PDCD5: variants seen among roughly 807,000 people sequenced by gnomAD.
PDCD5 encodes the protein programmed cell death protein 5.
Under a neutral mutation model 21.9 loss-of-function variants are expected in PDCD5, and 23 were observed. The observed-to-expected ratio is 1.05, with a 90% CI of 0.76 to 1.49. The LOEUF is 1.49. Among genes scored for constraint, PDCD5 ranks in the 40% most tolerant of loss-of-function variants. The probability of loss-of-function intolerance (pLI) is 0.00; values close to 1 mark genes in which losing one functional copy is unlikely to be tolerated. For missense variants in PDCD5, 152 were observed against 147.7 expected (o/e 1.03, Z -0.15); for synonymous variants, 45 against 49.4 (o/e 0.91, Z 0.37).
chr19:32,586,838 A>G lies in PDCD5; in HGVS notation c.259-20A>G. 6.3e-7 allele frequency: 1 copy of G among 1,591,890 alleles called. No individual in the cohort carries two copies. The highest frequency in any genetic ancestry group is 8.5e-7 in the Non-Finnish European group (1 of 1,174,052). ...TGTTTAAAAAAGTACTGTTTTTCTT[A>G]TCTTTTCTGGTTCTCCTAGGTATCA... On this transcript the variant is annotated intron_variant, in intron 4 of 5. Transcript: ENST00000590247.
intron 2 of PDCD5, among the ~76,000 whole-genome samples, chr19:32,583,220 TTTC>T (rs1359572331): frequency 2.0e-5 from 3 of 152,158 alleles, no homozygotes; most frequent in African/African-American, 4.8e-5. Flanking sequence ...ACTGAACTTT[TTTC>T]TTCTTTACGT....
rs543188517 is a variant in PDCD5, at chr19:32,583,992, C to T, written c.105-958C>T. Among the ~76,000 whole-genome samples, 8 of 152,024 alleles carry T rather than the reference C, an allele frequency of 5.3e-5. 1 individual carries two copies. In the South Asian group the frequency reaches 6.2e-4, roughly 12 times the overall value. On this transcript the variant is annotated intron_variant, in intron 2 of 5. Transcript: ENST00000590247. ...GATTACAGGCACCCGCCACCATGCC[C>T]GGCTAATTTTTGTATTTTTAGTAGA...
intron 2 of PDCD5, among the ~76,000 whole-genome samples, chr19:32,583,612 A>G (rs1361466359): frequency 1.3e-5 from 2 of 152,082 alleles, no homozygotes; most frequent in Non-Finnish European, 2.9e-5. Context: ...TTTTAGAGAT[A>G]CGTAAAACTA....
intron 2 of PDCD5, among the ~76,000 whole-genome samples, chr19:32,582,859 A>G (rs999689773): frequency 2.0e-5 from 3 of 152,004 alleles, no homozygotes; most frequent in Non-Finnish European, 2.9e-5. Flanking sequence ...TCTCCAGCAA[A>G]TATTTATAGA....
intron 1 of PDCD5, chr19:32,581,699 A>T (rs1476549921): frequency 9.6e-6 from 2 of 207,640 alleles, no homozygotes; most frequent in African/African-American, 4.6e-5. Context: ...TTTAGCCGAC[A>T]GGTATTGAGG....
intron 3 of PDCD5, 86 bp downstream of exon 3, chr19:32,585,097 G>A: frequency 1.0e-6 from 1 of 964,634 alleles, no homozygotes; most frequent in Non-Finnish European, 1.7e-6. Context: ...ATCACTAGAT[G>A]AAATATTTGC....
In PDCD5 at chr19:32,585,003, G is replaced by A. The variant is rs201933073; in HGVS notation, c.158G>A (p.Arg53Gln). 107 of 1,613,456 alleles carry A rather than the reference G, an allele frequency of 6.6e-5. No homozygotes were observed. The highest frequency in any genetic ancestry group is 1.5e-4 in the Admixed American group (9 of 60,010). ...ILAQVLDQSARARLSNLALVK... is the reference protein window; with the variant it reads ...ILAQVLDQSAQARLSNLALVK... ...GCCCAAGTTCTGGATCAGTCGGCCC[G>A]GGCCAGGTGTAAGCATCTTTGATTT... is the stretch of plus-strand genomic sequence containing the variant. Residue 53 changes from arginine to glutamine, a missense_variant, in exon 3 of 6, where the codon CGG (arginine) becomes CAG (glutamine). By Grantham distance (43) the Arg-to-Gln change is conservative. Coordinates refer to ENST00000590247, the MANE Select transcript of PDCD5 (RefSeq NM_004708.4).
chr19:32,581,440 C>G, intron 1 of PDCD5, 113 bp downstream of exon 1: 2 of 561,114 alleles, frequency 3.6e-6, no homozygotes, highest in East Asian at 3.7e-5. Flanking sequence ...GGCCCCGGTC[C>G]CCTGCGCTGC....
rs191911849 is a variant in PDCD5 at position 32,586,527 on chromosome 19, A to G, written c.259-331A>G. On this transcript the variant is annotated intron_variant, in intron 4 of 5. Transcript: ENST00000590247. ...CTTCTCGGGCAGAAGTGGTGTGTCT[A>G]TTCCTGACACCAAACACCGTGGTAT... 440 of 1,119,306 alleles carry G rather than the reference A, an allele frequency of 3.9e-4. 1 individual carries two copies. The African/African-American group carries it at 5.4e-3, about 14-fold the overall frequency. 69.3% of individuals were successfully genotyped at this position (1,119,306 alleles called of 1,614,324 possible).
At chr19:32,585,621 C>A (rs192754119) in intron 3 of PDCD5, among the ~76,000 whole-genome samples, 195 bp from the exon 4 acceptor site, 236 of 152,258 alleles carry the variant, frequency 1.5e-3, no homozygotes, top group African/African-American at 5.1e-3. Flanking sequence ...GCCACTACCC[C>A]CATGTGCCCA....
chr19:32,585,987 A>C (rs1427268992), intron 4 of PDCD5, 80 bp downstream of exon 4: 3 of 1,612,608 alleles, frequency 1.9e-6, no homozygotes, highest in Non-Finnish European at 2.5e-6. Flanking sequence ...CTGCATCTTC[A>C]CTGGATTACA....
rs755877546 is a variant in PDCD5 at position 32,581,215 on chromosome 19, A to AGGGGCTGCGAGAGTGACC, written c.-45_-28dup. On this transcript the variant is annotated 5_prime_UTR_variant, in exon 1 of 6. Coordinates refer to ENST00000590247, the MANE Select transcript of PDCD5 (RefSeq NM_004708.4). ...AGTGGTCAAGGCCGCGCTCGCGCCGAGGGGCTGCGAGAGTGACCGCGGCTG... is the reference window on the plus strand; with the variant it reads ...AGTGGTCAAGGCCGCGCTCGCGCCGAGGGGCTGCGAGAGTGACCGGGGCTGCGAGAGTGACCGCGGCTG... 3 of 1,388,200 alleles carry AGGGGCTGCGAGAGTGACC rather than the reference A, an allele frequency of 2.2e-6. No homozygotes were observed. Among genetic ancestry groups the AGGGGCTGCGAGAGTGACC allele is most frequent in the East Asian group, 3.0e-5 (1 of 33,376 alleles). The allele number at this position is 1,388,200 out of a possible 1,614,324, so 86.0% of individuals were successfully genotyped here.
rs1296321100 is a variant in PDCD5, at chr19:32,582,183, T to G, written c.67-12T>G. ...GAAATTTCTCTATTAAATTTAAGTT[T>G]TTTTTTTCCAGGATCCTGGTGATGC... On this transcript the variant is annotated splice_polypyrimidine_tract_variant and intron_variant, in intron 1 of 5. Transcript: ENST00000590247. 3 of 1,609,708 alleles carry G rather than the reference T, an allele frequency of 1.9e-6. No homozygotes were observed. The Admixed American group carries it at 5.0e-5, about 27-fold the overall frequency.
Position 32,587,352 on chromosome 19 carries a change from TTAAGA to T in PDCD5, c.*54_*58del, listed in dbSNP as rs752558939. 8.9e-6 allele frequency: 11 copies of T among 1,230,852 alleles called. No individual in the cohort carries two copies. Among genetic ancestry groups the T allele is most frequent in the Non-Finnish European group, 1.2e-5 (10 of 847,436 alleles). 76.2% of individuals were successfully genotyped at this position (1,230,852 alleles called of 1,614,324 possible). A position where few individuals can be genotyped will look rare whatever the true frequency, so the allele number is the denominator to read the frequency against. The stretch of plus-strand genomic sequence containing the variant: ...TAACGGAACAAGTCTAGGACAGAAG[TTAAGA>T]TCTGATTATTTACTTTGTTTATTGT... On this transcript the variant is annotated 3_prime_UTR_variant, in exon 6 of 6. Coordinates refer to ENST00000590247, the MANE Select transcript of PDCD5 (RefSeq NM_004708.4).
intron 5 of PDCD5, 46 bp downstream of exon 5, chr19:32,586,975 T>C (rs1365940022): frequency 4.2e-6 from 6 of 1,423,858 alleles, no homozygotes; most frequent in Non-Finnish European, 5.9e-6. Context: ...ATGGATACTT[T>C]AAAGATTAAT....
intron 2 of PDCD5, 24 bp from the exon 3 acceptor site, chr19:32,584,926 G>T: frequency 6.2e-7 from 1 of 1,600,244 alleles, no homozygotes; most frequent in Non-Finnish European, 8.6e-7. Flanking sequence ...TTTTAATTGT[G>T]TTTGACCTAT....
chr19:32,586,818 A>G (rs367910884), intron 4 of PDCD5, 40 bp from the exon 5 acceptor site: 24 of 1,587,126 alleles, frequency 1.5e-5, no homozygotes, highest in Non-Finnish European at 2.0e-5. Context: ...TTCTTTGTTT[A>G]AAAAAGTACT....
intron 2 of PDCD5, among the ~76,000 whole-genome samples, chr19:32,583,331 C>CA (rs544352667): frequency 5.2e-4 from 79 of 152,182 alleles, no homozygotes; most frequent in African/African-American, 1.9e-3. Flanking sequence ...TTTGATACCC[C>CA]AGTGGTGGGA....
chr19:32,585,255 T>G (rs1486411352), intron 3 of PDCD5, among the ~76,000 whole-genome samples: 1 of 152,174 alleles, frequency 6.6e-6, no homozygotes, highest in African/African-American at 2.4e-5. Context: ...AGGAAACAAC[T>G]CATAGGGCCA....
Sources: gnomAD v4.1 joint callset for allele counts (sites outside exome capture counted in the v4.1 genomes callset) on GRCh38, gnomAD v4.1.1 for gene constraint, MANE v1.5 for transcripts, NCBI Gene and HGNC (gene_info 2026-07-23, HGNC 2026-07-21) for gene names.